Variants in SYNE1 observed in about 807,000 individuals in gnomAD.
SYNE1 encodes spectrin repeat containing nuclear envelope protein 1.
Under a neutral mutation model 1,111.0 loss-of-function variants are expected in SYNE1, and 616 were observed. That is an observed-to-expected ratio of 0.55 (90% CI 0.52 to 0.59). The LOEUF (loss-of-function observed/expected upper bound fraction) is 0.59, where lower values mean the gene tolerates loss of function less well. Among genes scored for constraint, SYNE1 ranks in the 20% least tolerant of loss-of-function variants. The pLI is 0.00. For synonymous variants in SYNE1, 3,855 were observed against 3,825.8 expected (o/e 1.01, Z -0.28); for missense variants, 10,006 against 10,417.0 (o/e 0.96, Z 1.72).
intron 72 of SYNE1, among the ~76,000 whole-genome samples, chr6:152,348,580 G>T (rs969365966): frequency 2.6e-5 from 4 of 152,226 alleles, no homozygotes; most frequent in African/African-American, 9.6e-5. Context: ...AGCTACTTGG[G>T]AGGCTGAGGC....
intron 3 of SYNE1, among the ~76,000 whole-genome samples, chr6:152,608,703 AGGCAGGC>A (rs1301631759): frequency 6.6e-6 from 1 of 152,216 alleles, no homozygotes; most frequent in African/African-American, 2.4e-5. Context: ...TGGGAAGCCA[AGGCAGGC>A]AGATCATGAG....
chr6:152,377,499 C>T (rs1486445396), intron 56 of SYNE1, among the ~76,000 whole-genome samples: 1 of 149,178 alleles, frequency 6.7e-6, no homozygotes, highest in Non-Finnish European at 1.5e-5. Flanking sequence ...ATCCCAGCTA[C>T]TTGGGAGGCT....
At chr6:152,302,387 A>T in intron 91 of SYNE1, 1 of 448,986 alleles carries the variant, frequency 2.2e-6, no homozygotes, top group Non-Finnish European at 4.1e-6. Flanking sequence ...AACATTAGGA[A>T]CTGACAACTC....
Position 152,330,718 on chromosome 6 carries a change from A to G in SYNE1, c.13967T>C (p.Val4656Ala), listed in dbSNP as rs746086937. 1 of 1,614,116 alleles carries G rather than the reference A, an allele frequency of 6.2e-7. No individual in the cohort carries two copies. Among genetic ancestry groups the G allele is most frequent in the Non-Finnish European group, 8.5e-7 (1 of 1,180,038 alleles). Reference protein sequence around the residue: ...NALPRQFNVIVALAKDKFYKV... With the variant: ...NALPRQFNVIAALAKDKFYKV... ...ATAGAACTTGTCTTTAGCCAAGGCAACAATTACATTAAATTGTCGAGGCAA... is the reference window on the plus strand; with the variant it reads ...ATAGAACTTGTCTTTAGCCAAGGCAGCAATTACATTAAATTGTCGAGGCAA... Residue 4656 changes from valine (V) to alanine (A), a missense_variant, in exon 78 of 146, where the codon GTT becomes GCT. Around this residue, in one of 7 missense-constraint regions of SYNE1, gnomAD observed 4,955 missense variants for 5,017.2 expected, o/e 0.99. Transcript: ENST00000367255.
chr6:152,483,226 A>G lies in SYNE1; in HGVS notation c.1209T>C (p.Leu403=). The change falls in exon 14 of 146, where the codon CTT becomes CTC. Residue 403 remains leucine, a synonymous_variant. Coordinates refer to ENST00000367255, the MANE Select transcript of SYNE1 (RefSeq NM_182961.4). ...TSRLFDWHIQ[L]DKSLPAPLGT... is the part of the protein sequence containing the mutation. ...CCAGAGGTGCAGGAAGAGATTTATC[A>G]AGCTGTATATGCCAGTCAAAGAGCT... 1 of 1,614,202 alleles carries G rather than the reference A, an allele frequency of 6.2e-7. No individual in the cohort carries two copies. The highest frequency in any genetic ancestry group is 1.1e-5 in the South Asian group (1 of 91,084).
chr6:152,358,915 A>G (rs772247124), intron 65 of SYNE1, among the ~76,000 whole-genome samples: 1 of 152,246 alleles, frequency 6.6e-6, no homozygotes, highest in Non-Finnish European at 1.5e-5. Context: ...TTTCCATAGT[A>G]GAATGCGCTC....
intron 115 of SYNE1, among the ~76,000 whole-genome samples, chr6:152,227,344 C>T (rs2081825524): frequency 6.6e-6 from 1 of 152,096 alleles, no homozygotes; most frequent in Non-Finnish European, 1.5e-5. Flanking sequence ...TGGCAATGTG[C>T]CATGTTTCAG....
intron 14 of SYNE1, chr6:152,480,853 CCT>C (rs2098889436): frequency 8.8e-6 from 4 of 453,526 alleles, no homozygotes; most frequent in East Asian, 7.0e-5. Context: ...AACTCCTGCC[CCT>C]CTCTCTCTCC....
chr6:152,596,098 T>TAAAAAAAAAAAAA (rs71017542), intron 3 of SYNE1, among the ~76,000 whole-genome samples: 2 of 18,584 alleles, frequency 1.1e-4, no homozygotes, highest in Non-Finnish European at 2.1e-4. Flanking sequence ...AAGGGCAATC[T>TAAAAAAAAAAAAA]AAAAAAAAAA....
rs150886628 is a variant in SYNE1 at position 152,122,255 on chromosome 6, G to A, written c.*181C>T. The A allele has an allele frequency of 2.1e-5, 19 of 894,938 alleles. No individual in the cohort carries two copies. The highest frequency in any genetic ancestry group is 8.7e-5 in the Admixed American group (4 of 45,926). The allele number at this position is 894,938 out of a possible 1,614,324, so 55.4% of individuals were successfully genotyped here. ...CTTCTTGTTGTCTGTTTGTTCCCCC[G>A]TCACTGTTTATCTTCCACCTCTGAA... On this transcript the variant is annotated 3_prime_UTR_variant, in exon 146 of 146. Coordinates refer to ENST00000367255, the MANE Select transcript of SYNE1 (RefSeq NM_182961.4).
At chr6:152,344,916 C>T (rs1178631798) in intron 73 of SYNE1, among the ~76,000 whole-genome samples, 4 of 152,106 alleles carry the variant, frequency 2.6e-5, no homozygotes, top group Admixed American at 2.0e-4. Flanking sequence ...GAAAATATAT[C>T]TGGGATGTTT....
At chr6:152,574,203 CATATAT>C (rs5880984) in intron 3 of SYNE1, among the ~76,000 whole-genome samples, 1 of 144,724 alleles carries the variant, frequency 6.9e-6, no homozygotes, top group Non-Finnish European at 1.5e-5. Flanking sequence ...TAAATATATA[CATATAT>C]ATATATATAT....
intron 11 of SYNE1, among the ~76,000 whole-genome samples, chr6:152,489,885 G>T (rs556112334): frequency 6.6e-6 from 1 of 152,216 alleles, no homozygotes; most frequent in South Asian, 2.1e-4. Flanking sequence ...AGTGGATGTG[G>T]GGTAGAGCCA....
chr6:152,340,714 G>C (rs569695706), intron 74 of SYNE1, among the ~76,000 whole-genome samples: 2 of 152,180 alleles, frequency 1.3e-5, no homozygotes, highest in Non-Finnish European at 2.9e-5. Context: ...GCCGTGGTAA[G>C]AAAGTTGGAA....
chr6:152,269,308 T>C, intron 98 of SYNE1, 22 bp from the exon 99 acceptor site: 1 of 1,613,800 alleles, frequency 6.2e-7, no homozygotes, highest in South Asian at 1.1e-5. Context: ...GAGGCAGAAA[T>C]CAAGTCATGC....
At chr6:152,279,366 A>C (rs138449831) in intron 97 of SYNE1, among the ~76,000 whole-genome samples, 1,843 of 152,026 alleles carry the variant, frequency 0.012, 19 homozygotes, top group Non-Finnish European at 0.02. Context: ...TATTAAATAA[A>C]GTAATTTGTT....
chr6:152,356,136 T>A (rs2096833188), intron 66 of SYNE1, among the ~76,000 whole-genome samples: 1 of 152,070 alleles, frequency 6.6e-6, no homozygotes. Context: ...TGATAGTAAA[T>A]AATTTGGATC....
intron 128 of SYNE1, among the ~76,000 whole-genome samples, chr6:152,188,976 A>ATATAT: frequency 1.7e-5 from 1 of 57,446 alleles, no homozygotes; most frequent in African/African-American, 9.1e-5. Flanking sequence ...AAAAAAAAAA[A>ATATAT]AAAAAAAAAT....
chr6:152,148,063 C>T lies in SYNE1; in HGVS notation c.24958G>A (p.Gly8320Arg), dbSNP rs1393820621. 5 of 1,613,950 alleles carry T rather than the reference C, an allele frequency of 3.1e-6. No homozygotes were observed. Among genetic ancestry groups the T allele is most frequent in the African/African-American group, 1.3e-5 (1 of 74,920 alleles). The change falls in exon 137 of 146, where the codon GGA (glycine) becomes AGA (arginine). Residue 8320 changes from glycine to arginine, a missense_variant. Coordinates refer to ENST00000367255, the MANE Select transcript of SYNE1 (RefSeq NM_182961.4). This position sits in a 1 kb window ranked among gnomAD's most constrained non-coding sequence, Gnocchi z 4.1. ...TTCCTACCTGATAAGCCAACAGCTC[C>T]CCGGAGGTAGAAATCTTTGTCATCC... ...GQDDKDFYLR[G>R]AVGLSGDHSA...
Sources: allele counts gnomAD v4.1 joint callset (sites outside exome capture counted in the v4.1 genomes callset), GRCh38; gene constraint gnomAD v4.1.1; regional missense constraint gnomAD v4.1.1; non-coding constraint Gnocchi (gnomAD v3.1); transcripts MANE v1.5; gene names NCBI Gene and HGNC (gene_info 2026-07-23, HGNC 2026-07-21).